The following GABRG3 variants were observed in gnomAD, a reference collection of about 807,000 sequenced individuals.
GABRG3 encodes gamma-aminobutyric acid type A receptor subunit gamma3.
Under a neutral mutation model 48.8 loss-of-function variants are expected in GABRG3, and 25 were observed. The ratio of observed to expected loss-of-function variants is 0.51; its 90% confidence interval spans 0.37 to 0.72. The LOEUF (loss-of-function observed/expected upper bound fraction) is 0.72, where lower values mean the gene tolerates loss of function less well. Ranked by LOEUF, GABRG3 falls within the 30% of genes least tolerant of loss-of-function variation. The pLI is 0.00. For missense variants in GABRG3, 394 were observed against 577.9 expected, an observed-to-expected ratio of 0.68 and a Z score of 3.26; for synonymous variants, 227 against 217.6, an observed-to-expected ratio of 1.04 and a Z score of -0.38.
intron 5 of GABRG3, among the ~76,000 whole-genome samples, chr15:27,374,138 C>CTTTTTTTTTTTTTTTTT (rs201839822): frequency 5.5e-5 from 5 of 91,668 alleles, no homozygotes; most frequent in Non-Finnish European, 8.7e-5. Context: ...TTCTTTTCTT[C>CTTTTTTTTTTTTTTTTT]TTTTTTTTTT....
At chr15:27,406,914 T>G (rs1182420351) in intron 5 of GABRG3, among the ~76,000 whole-genome samples, 1 of 152,116 alleles carries the variant, frequency 6.6e-6, no homozygotes, top group Non-Finnish European at 1.5e-5. Context: ...AAAGCAAATT[T>G]TTTTTCTTTT....
chr15:27,138,655 G>A (rs905863040), intron 3 of GABRG3, among the ~76,000 whole-genome samples: 1 of 152,142 alleles, frequency 6.6e-6, no homozygotes, highest in African/African-American at 2.4e-5. Flanking sequence ...AGTGTTGGAC[G>A]TCCTTTGTGC....
At chr15:27,119,628 C>T (rs1897698312) in intron 3 of GABRG3, among the ~76,000 whole-genome samples, 1 of 152,166 alleles carries the variant, frequency 6.6e-6, no homozygotes, top group African/African-American at 2.4e-5. Context: ...TGTCCTTGGG[C>T]TGTGTTGTCA....
At chr15:27,476,712 A>G (rs1013914514) in intron 5 of GABRG3, among the ~76,000 whole-genome samples, 1 of 152,252 alleles carries the variant, frequency 6.6e-6, no homozygotes, top group Non-Finnish European at 1.5e-5. Flanking sequence ...CAACAAACAC[A>G]TAATGGGAAT....
At chr15:27,286,232 G>T (rs1566994409) in intron 3 of GABRG3, among the ~76,000 whole-genome samples, 1 of 152,194 alleles carries the variant, frequency 6.6e-6, no homozygotes, top group Non-Finnish European at 1.5e-5. Flanking sequence ...TTTACATGCA[G>T]GGCACTGTTT....
rs1450775583 is a variant in GABRG3, at chr15:27,407,027, A to G, written c.575-73623A>G. Among the ~76,000 whole-genome samples the G allele has an allele frequency of 3.9e-5, 6 of 152,160 alleles. No individual in the cohort carries two copies. The East Asian group carries it at 5.8e-4, about 15-fold the overall frequency. On this transcript the variant is annotated intron_variant, in intron 5 of 9. Coordinates refer to ENST00000615808, the MANE Select transcript of GABRG3 (RefSeq NM_033223.5). Reference sequence around the variant, plus strand: ...ATTGCAACCTCCACCTCCTAGGTTCAAGCAATTCTCCTGCCTCACCCTCGG... The same window carrying G: ...ATTGCAACCTCCACCTCCTAGGTTCGAGCAATTCTCCTGCCTCACCCTCGG...
intron 3 of GABRG3, among the ~76,000 whole-genome samples, chr15:27,086,307 G>A (rs1270019604): frequency 6.6e-6 from 1 of 151,876 alleles, no homozygotes; most frequent in African/African-American, 2.4e-5. Flanking sequence ...ACTGGGGACA[G>A]AGCAGGTCAG....
intron 5 of GABRG3, among the ~76,000 whole-genome samples, chr15:27,377,074 G>C (rs565163985): frequency 6.6e-6 from 1 of 152,282 alleles, no homozygotes; most frequent in South Asian, 2.1e-4. Flanking sequence ...AAGTTCCACA[G>C]ATCTCTAGGG....
chr15:27,430,366 A>G (rs995038876), intron 5 of GABRG3, among the ~76,000 whole-genome samples: 3 of 152,192 alleles, frequency 2.0e-5, no homozygotes, highest in Admixed American at 1.3e-4. Context: ...TCCACTTACT[A>G]ATGGTATCCT....
intron 5 of GABRG3, among the ~76,000 whole-genome samples, chr15:27,398,660 G>GCA (rs201663378): frequency 7.4e-5 from 11 of 148,576 alleles, no homozygotes; most frequent in African/African-American, 2.8e-4. Flanking sequence ...GAGATGACAA[G>GCA]CGCGCGCACA....
chr15:27,047,236 G>A (rs111439782), intron 3 of GABRG3, among the ~76,000 whole-genome samples: 4 of 152,232 alleles, frequency 2.6e-5, no homozygotes, highest in African/African-American at 7.2e-5. Context: ...TTATCATACT[G>A]CTGACATTAT....
intron 5 of GABRG3, among the ~76,000 whole-genome samples, chr15:27,403,988 G>T (rs1887557483): frequency 6.6e-6 from 1 of 150,894 alleles, no homozygotes; most frequent in Non-Finnish European, 1.5e-5. Context: ...TTGGGAGGCC[G>T]AGGCGGGTGG....
intron 2 of GABRG3, among the ~76,000 whole-genome samples, chr15:27,022,078 A>G (rs1895905192): frequency 1.3e-5 from 2 of 152,036 alleles, no homozygotes; most frequent in Admixed American, 1.3e-4. Flanking sequence ...TGACTGCAGA[A>G]CCCATGCCCT....
intron 3 of GABRG3, among the ~76,000 whole-genome samples, chr15:27,249,197 C>A (rs1473755523): frequency 6.6e-6 from 1 of 152,180 alleles, no homozygotes; most frequent in East Asian, 1.9e-4. Flanking sequence ...CACCCAGATA[C>A]CCTGGGAGTG....
intron 2 of GABRG3, among the ~76,000 whole-genome samples, chr15:26,994,921 T>A (rs1895312516): frequency 6.6e-6 from 1 of 152,014 alleles, no homozygotes; most frequent in African/African-American, 2.4e-5. Flanking sequence ...TTAAGAAAAA[T>A]GTTTATTCTG....
chr15:27,114,935 C>T (rs1897616539), intron 3 of GABRG3, among the ~76,000 whole-genome samples: 2 of 152,000 alleles, frequency 1.3e-5, no homozygotes, highest in African/African-American at 2.4e-5. Context: ...TATTTATTAT[C>T]ATTATTACCT....
chr15:27,286,334 A>G (rs1891610792), intron 3 of GABRG3, among the ~76,000 whole-genome samples: 1 of 152,188 alleles, frequency 6.6e-6, no homozygotes, highest in Non-Finnish European at 1.5e-5. Context: ...AGGTCCTGGA[A>G]TCTGGGCCAT....
intron 5 of GABRG3, chr15:27,363,381 T>C (rs1895086315): frequency 6.6e-6 from 1 of 152,136 alleles, no homozygotes; most frequent in Non-Finnish European, 1.5e-5. Flanking sequence ...ATGAAAATCT[T>C]AAGACTAGAA....
chr15:27,089,825 C>G (rs542485369), intron 3 of GABRG3, among the ~76,000 whole-genome samples: 2 of 152,350 alleles, frequency 1.3e-5, no homozygotes, highest in East Asian at 3.9e-4. Context: ...TGGCTTCTTT[C>G]ACTCAGCATC....
Sources: allele counts gnomAD v4.1 joint callset (sites outside exome capture counted in the v4.1 genomes callset), GRCh38; gene constraint gnomAD v4.1.1; transcripts MANE v1.5; gene names NCBI Gene and HGNC (gene_info 2026-07-23, HGNC 2026-07-21).